The following WASF3 variants were observed in gnomAD, a reference collection of about 807,000 sequenced individuals.
WASF3 encodes the protein actin-binding protein WASF3.
Under a neutral mutation model 46.6 loss-of-function variants are expected in WASF3, and 11 were observed. That is an observed-to-expected ratio of 0.24 (90% confidence interval 0.15 to 0.39). The LOEUF (loss-of-function observed/expected upper bound fraction) is 0.39. WASF3 is among the 10% of genes least tolerant of loss of function. WASF3 has a pLI of 1.00. For missense variants in WASF3, 576 were observed against 669.8 expected (o/e 0.86, Z 1.55); for synonymous variants, 242 against 259.7 (o/e 0.93, Z 0.65).
chr13:26,542,148 ACT>A, the WASF3 span, among the ~76,000 whole-genome samples: 1 of 152,280 alleles, frequency 6.6e-6, no homozygotes, highest in Non-Finnish European at 1.5e-5. Context: ...AATTATATTT[ACT>A]TTATTACTTC....
chr13:26,571,946 G>A (rs1879649264), intron 1 of WASF3, among the ~76,000 whole-genome samples: 1 of 152,120 alleles, frequency 6.6e-6, no homozygotes, highest in Admixed American at 6.5e-5. Flanking sequence ...TTATTCCTGA[G>A]TATTTTGTTG....
chr13:26,638,995 A>G (rs951446249), intron 2 of WASF3, among the ~76,000 whole-genome samples: 9 of 152,120 alleles, frequency 5.9e-5, no homozygotes, highest in Non-Finnish European at 8.8e-5. Context: ...CTGTCCTCCT[A>G]TTTTCCACCA....
intron 2 of WASF3, among the ~76,000 whole-genome samples, chr13:26,637,474 C>T (rs955900589): frequency 6.6e-6 from 1 of 152,188 alleles, no homozygotes; most frequent in African/African-American, 2.4e-5. Context: ...GGGAAACCCA[C>T]AGCTTTTCAT....
intron 5 of WASF3, among the ~76,000 whole-genome samples, chr13:26,669,681 T>C (rs1202833450): frequency 6.6e-6 from 1 of 152,072 alleles, no homozygotes. Flanking sequence ...GCCTGGCTAA[T>C]TTTTGTATTT....
chr13:26,681,701 A>C (rs1402390274), intron 8 of WASF3, among the ~76,000 whole-genome samples: 1 of 152,160 alleles, frequency 6.6e-6, no homozygotes, highest in Admixed American at 6.5e-5. Flanking sequence ...CGAGAAGACC[A>C]CACCATGCAG....
At chr13:26,596,062 C>G (rs1880451098) in intron 1 of WASF3, among the ~76,000 whole-genome samples, 1 of 149,268 alleles carries the variant, frequency 6.7e-6, no homozygotes, top group Admixed American at 6.7e-5. Flanking sequence ...AAACTATTTT[C>G]CAGAGTAGCT....
chr13:26,541,655 T>TC, the WASF3 span, among the ~76,000 whole-genome samples: 1 of 149,388 alleles, frequency 6.7e-6, no homozygotes, highest in Non-Finnish European at 1.5e-5. Flanking sequence ...CTTTTTTTTT[T>TC]CTTTTTTAGA....
chr13:26,644,199 G>A (rs1882082394), intron 3 of WASF3, among the ~76,000 whole-genome samples: 1 of 152,194 alleles, frequency 6.6e-6, no homozygotes, highest in South Asian at 2.1e-4. Flanking sequence ...GAGAAGGCAA[G>A]GAAATTGGTT....
At chr13:26,646,960 G>A (rs1178097148) in intron 3 of WASF3, among the ~76,000 whole-genome samples, 1 of 152,194 alleles carries the variant, frequency 6.6e-6, no homozygotes, top group Non-Finnish European at 1.5e-5. Flanking sequence ...GTCTTAGATA[G>A]CAAATGGAAT....
intron 3 of WASF3, among the ~76,000 whole-genome samples, chr13:26,663,185 G>A (rs1463005232): frequency 6.6e-6 from 1 of 152,128 alleles, no homozygotes; most frequent in Admixed American, 6.5e-5. Flanking sequence ...TGGATGGTGG[G>A]TTCTTTTTAA....
chr13:26,556,884 A>G (rs957458367), upstream of WASF3, among the ~76,000 whole-genome samples: 1 of 152,222 alleles, frequency 6.6e-6, no homozygotes, highest in African/African-American at 2.4e-5. Flanking sequence ...AAATAAAGGT[A>G]ACATTTCTAT....
At chr13:26,616,653 T>C (rs971113122) in intron 2 of WASF3, among the ~76,000 whole-genome samples, 1 of 152,242 alleles carries the variant, frequency 6.6e-6, no homozygotes, top group East Asian at 1.9e-4. Flanking sequence ...GTAGTTACTC[T>C]TTGTCATCTT....
At chr13:26,651,812 T>C (rs925343562) in intron 3 of WASF3, among the ~76,000 whole-genome samples, 6 of 152,246 alleles carry the variant, frequency 3.9e-5, no homozygotes, top group African/African-American at 1.4e-4. Context: ...CAGTAAATGC[T>C]GAGTGTGAAA....
Position 26,582,742 on chromosome 13 carries a change from G to A in WASF3, c.-109+24923G>A, listed in dbSNP as rs373073541. Among the ~76,000 whole-genome samples, 28 of 140,198 alleles carry A rather than the reference G, an allele frequency of 2.0e-4. No individual in the cohort carries two copies. In the East Asian group the frequency reaches 5.9e-3, roughly 29 times the overall value. The allele number at this position is 140,198 out of a possible 152,430, so 92.0% of individuals were successfully genotyped here. ...GTACTTAAAGAGTATACTTAAGTAA[G>A]AGAATGTAAATAATAAAGTGCTTAG... is the stretch of plus-strand genomic sequence containing the variant. On this transcript the variant is annotated intron_variant, in intron 1 of 9. Transcript: ENST00000335327.
chr13:26,591,464 A>G (rs1363264083), intron 1 of WASF3, among the ~76,000 whole-genome samples: 1 of 152,108 alleles, frequency 6.6e-6, no homozygotes, highest in East Asian at 1.9e-4. Flanking sequence ...AAACACTAGT[A>G]GGATTTACTG....
At chr13:26,577,723 A>G (rs562550274) in intron 1 of WASF3, 128 of 451,826 alleles carry the variant, frequency 2.8e-4, no homozygotes, top group South Asian at 4.2e-4. Flanking sequence ...CTATTTGTGG[A>G]AAAAAAAAAA....
At chr13:26,655,342 T>C (rs912053718) in intron 3 of WASF3, among the ~76,000 whole-genome samples, 1 of 152,226 alleles carries the variant, frequency 6.6e-6, no homozygotes, top group Non-Finnish European at 1.5e-5. Flanking sequence ...ATTTAAGATA[T>C]TGAAAGAAAT....
intron 2 of WASF3, among the ~76,000 whole-genome samples, chr13:26,627,337 T>A (rs899722600): frequency 3.9e-5 from 6 of 152,126 alleles, no homozygotes; most frequent in African/African-American, 1.2e-4. Flanking sequence ...GTAACTAGTA[T>A]TACTGCACAG....
intron 6 of WASF3, among the ~76,000 whole-genome samples, chr13:26,672,602 T>G (rs1017365834): frequency 6.6e-6 from 1 of 152,188 alleles, no homozygotes; most frequent in Non-Finnish European, 1.5e-5. Context: ...AATTGTTCGT[T>G]TTGGGCCCAG....
Sources: allele counts gnomAD v4.1 joint callset (sites outside exome capture counted in the v4.1 genomes callset), GRCh38; gene constraint gnomAD v4.1.1; transcripts MANE v1.5; gene names NCBI Gene and HGNC (gene_info 2026-07-23, HGNC 2026-07-21).